Variants in LFNG observed in about 807,000 individuals in gnomAD.
The protein encoded by LFNG is LFNG O-fucosylpeptide 3-beta-N-acetylglucosaminyltransferase.
In LFNG, 15 loss-of-function variants were observed where a neutral mutation model predicts 32.7. The observed-to-expected ratio is 0.46, with a 90% CI of 0.31 to 0.71. The LOEUF (loss-of-function observed/expected upper bound fraction) is 0.71. LFNG is among the 30% of genes least tolerant of loss of function. The pLI, the probability that LFNG is intolerant of heterozygous loss-of-function variation, is 0.06. For missense variants in LFNG, 520 were observed against 545.7 expected, an observed-to-expected ratio of 0.95 and a Z score of 0.47; for synonymous variants, 274 against 246.8, an observed-to-expected ratio of 1.11 and a Z score of -1.03.
chr7:2,519,686 C>G (rs1235994868), upstream of LFNG, among the ~76,000 whole-genome samples: 5 of 149,092 alleles, frequency 3.4e-5, no homozygotes, highest in East Asian at 9.8e-4. Context: ...CGGCGCGAGG[C>G]CCCGCCCCCG....
chr7:2,519,841 C>T lies in LFNG; in HGVS notation c.-21C>T. 9.3e-7 allele frequency: 1 copy of T among 1,076,884 alleles called. No homozygotes were observed. Among genetic ancestry groups the T allele is most frequent in the Middle Eastern group, 4.2e-4 (1 of 2,390 alleles). 66.7% of individuals were successfully genotyped at this position (1,076,884 alleles called of 1,614,324 possible). ...AGGCAGGCGCACGGGGAAGGGCGCG[C>T]CGCGCGGCCGCCACCCCACCATGCT... On this transcript the variant is annotated 5_prime_UTR_variant, in exon 1 of 8. Transcript: ENST00000222725.
Position 2,519,866 on chromosome 7 carries a change from T to C in LFNG, c.5T>C (p.Leu2Pro). 1 of 1,101,442 alleles carries C rather than the reference T, an allele frequency of 9.1e-7. No individual in the cohort carries two copies. The highest frequency in any genetic ancestry group is 1.1e-6 in the Non-Finnish European group (1 of 902,806). 68.2% of individuals were successfully genotyped at this position (1,101,442 alleles called of 1,614,324 possible). Residue 2 changes from leucine to proline, a missense_variant, in exon 1 of 8, where the codon CTC becomes CCC. This residue lies in a region of LFNG where 360 missense variants were observed against 354.7 expected (regional missense o/e 1.01). Transcript: ENST00000222725. ...CCGCGCGGCCGCCACCCCACCATGC[T>C]CAAGCGCTGCGGCCGGCGCCTGCTG... Reference protein sequence around the residue: MLKRCGRRLLLA... With the variant: MPKRCGRRLLLA...
In LFNG at chr7:2,520,660, AC is replaced by A. The variant is rs1779764007; in HGVS notation, c.432+370del. Among the ~76,000 whole-genome samples, 1 of 152,136 alleles carries A rather than the reference AC, an allele frequency of 6.6e-6. No homozygotes were observed. The highest frequency in any genetic ancestry group is 1.5e-5 in the Non-Finnish European group (1 of 68,014). On this transcript the variant is annotated intron_variant, in intron 1 of 7. Transcript: ENST00000222725. The surrounding 1 kb of genome is among the most constrained non-coding windows in gnomAD (Gnocchi z 5.0). ...ACTTCCACAAGCAAATTCTGTTCGG[AC>A]CCACCCTCAGCTCAGACCCCTTCCT...
rs1187517401 is a variant in LFNG, at chr7:2,527,320, C to T, written c.*108C>T. 6.7e-7 allele frequency: 1 copy of T among 1,498,302 alleles called. No individual in the cohort carries two copies. The highest frequency in any genetic ancestry group is 8.9e-7 in the Non-Finnish European group (1 of 1,124,306). The allele number at this position is 1,498,302 out of a possible 1,614,324, so 92.8% of individuals were successfully genotyped here. A position where few individuals can be genotyped will look rare whatever the true frequency, so the allele number is the denominator to read the frequency against. On this transcript the variant is annotated 3_prime_UTR_variant, in exon 8 of 8. Transcript: ENST00000222725. This position sits in a 1 kb window ranked among gnomAD's most constrained non-coding sequence, Gnocchi z 4.4. ...ATTCGAGGCTCCCCTAGGGCCGTGCCTGTGCGTGTGCGTGTGCGTGTGTGT... is the reference window on the plus strand; with the variant it reads ...ATTCGAGGCTCCCCTAGGGCCGTGCTTGTGCGTGTGCGTGTGCGTGTGTGT...
chr7:2,525,642 G>C lies in LFNG; in HGVS notation c.736-43G>C, dbSNP rs866836361. The C allele has an allele frequency of 3.7e-6, 6 of 1,611,850 alleles. No individual in the cohort carries two copies. The African/African-American group carries it at 6.7e-5, about 18-fold the overall frequency. ...CGGAGTGGGGGTGGGACCGTGAGGG[G>C]CAGCAGCGCCTGGGTCTCAGGACAC... On this transcript the variant is annotated intron_variant, in intron 4 of 7. Transcript: ENST00000222725.
rs767087803 is a variant in LFNG at position 2,525,498 on chromosome 7, C to T, written c.666C>T (p.Asp222=). ...TGGCCAGCTACCCGCACACGCGGGA[C>T]GTCTACGTCGGCAAGCCCAGCCTGG... ...RLLASYPHTR[D]VYVGKPSLDR... Residue 222 remains aspartate (D), a synonymous_variant, in exon 4 of 8, where the codon GAC becomes GAT. Transcript: ENST00000222725. 1.6e-5 allele frequency: 26 copies of T among 1,612,348 alleles called. No homozygotes were observed. The highest frequency in any genetic ancestry group is 1.6e-4 in the East Asian group (7 of 44,880).
intron 1 of LFNG, 165 bp from the exon 2 acceptor site, chr7:2,524,530 A>G: frequency 1.4e-6 from 1 of 701,986 alleles, no homozygotes; most frequent in Non-Finnish European, 2.6e-6. Context: ...GGGGCACTTG[A>G]GCCCTTCTCA....
In LFNG at chr7:2,527,904, C is replaced by G; in HGVS notation, c.*692C>G. ...CCTCAGAGGTCTTCCCTTTGCCTCC[C>G]CAGGACAGGGTGAGTCAGAGCTCAG... is the stretch of plus-strand genomic sequence containing the variant. On this transcript the variant is annotated 3_prime_UTR_variant, in exon 8 of 8. Transcript: ENST00000222725. This position sits in a 1 kb window ranked among gnomAD's most constrained non-coding sequence, Gnocchi z 4.4. 1 of 989,106 alleles carries G rather than the reference C, an allele frequency of 1.0e-6. No homozygotes were observed. Among genetic ancestry groups the G allele is most frequent in the Non-Finnish European group, 1.2e-6 (1 of 831,966 alleles). The allele number at this position is 989,106 out of a possible 1,614,324, so 61.3% of individuals were successfully genotyped here.
chr7:2,528,456 GGTGGGGCCTAA>G, downstream of LFNG: 1 of 993,758 alleles, frequency 1.0e-6, no homozygotes. Flanking sequence ...CTTGGCTGGA[GGTGGGGCCTAA>G]GCCCCAGGGC....
At chr7:2,516,855 T>C (rs1327577500), upstream of LFNG, among the ~76,000 whole-genome samples, 1 of 152,214 alleles carries the variant, frequency 6.6e-6, no homozygotes, top group African/African-American at 2.4e-5. Context: ...GTGAGGAAAC[T>C]GAGGCTCAGG....
downstream of LFNG, chr7:2,528,809 C>A: frequency 1.6e-6 from 1 of 638,904 alleles, no homozygotes; most frequent in Admixed American, 2.7e-5. Context: ...GGGCCTGGGG[C>A]CTCCTTATCC....
upstream of LFNG, among the ~76,000 whole-genome samples, chr7:2,519,665 G>T (rs1366863952): frequency 6.7e-6 from 1 of 149,552 alleles, no homozygotes; most frequent in Non-Finnish European, 1.5e-5. Flanking sequence ...CTGCGGGCGT[G>T]GAGCGGCGAC....
intron 1 of LFNG, 37 bp from the exon 2 acceptor site, chr7:2,524,658 A>G (rs1229631059): frequency 6.4e-7 from 1 of 1,562,068 alleles, no homozygotes; most frequent in Non-Finnish European, 8.7e-7. Context: ...GGTGGGGATG[A>G]AGGGCTGCCT....
chr7:2,513,512 C>T (rs1779540464), upstream of LFNG, among the ~76,000 whole-genome samples: 1 of 152,182 alleles, frequency 6.6e-6, no homozygotes, highest in Non-Finnish European at 1.5e-5. Context: ...AAGCAGGGCT[C>T]CCCTGGGGCC....
chr7:2,514,311 C>G (rs560516530), upstream of LFNG, among the ~76,000 whole-genome samples: 1 of 152,348 alleles, frequency 6.6e-6, no homozygotes, highest in South Asian at 2.1e-4. Flanking sequence ...ATCCTTCCAT[C>G]CAACCTCTAC....
chr7:2,514,517 T>G (rs1268640724), upstream of LFNG, among the ~76,000 whole-genome samples: 1 of 151,470 alleles, frequency 6.6e-6, no homozygotes, highest in African/African-American at 2.4e-5. Context: ...CATTCACCTG[T>G]CCATCCATCC....
At position 2,520,331 on chromosome 7, in the gene LFNG, G is replaced by A. The variant is rs1446599582; in HGVS notation, c.432+38G>A. On this transcript the variant is annotated intron_variant, in intron 1 of 7. Transcript: ENST00000222725. The surrounding 1 kb of genome is among the most constrained non-coding windows in gnomAD (Gnocchi z 5.0). ...CGGCCTGGACTGGCGGGCGAGCGGG[G>A]CGGGGACCCACCATCTGGTCCAGCT... 3.2e-6 allele frequency: 5 copies of A among 1,581,454 alleles called. No individual in the cohort carries two copies. The highest frequency in any genetic ancestry group is 4.3e-6 in the Non-Finnish European group (5 of 1,157,286).
chr7:2,527,662 A>G lies in LFNG; in HGVS notation c.*450A>G, dbSNP rs1780034149. The G allele has an allele frequency of 8.9e-7, 1 of 1,125,530 alleles. No homozygotes were observed. The highest frequency in any genetic ancestry group is 1.1e-6 in the Non-Finnish European group (1 of 910,038). The allele number at this position is 1,125,530 out of a possible 1,614,324, so 69.7% of individuals were successfully genotyped here. On this transcript the variant is annotated 3_prime_UTR_variant, in exon 8 of 8. Transcript: ENST00000222725. This position sits in a 1 kb window ranked among gnomAD's most constrained non-coding sequence, Gnocchi z 4.4. ...GTCCTGGCCCCTGTGTCATAGCCCC[A>G]AGTACGACTCACTGAGCCATGCTCA... is the stretch of plus-strand genomic sequence containing the variant.
chr7:2,516,975 C>T (rs779569536), upstream of LFNG, among the ~76,000 whole-genome samples: 1 of 152,120 alleles, frequency 6.6e-6, no homozygotes, highest in Non-Finnish European at 1.5e-5. Flanking sequence ...TTCCCCAGGA[C>T]CCTACGGCCC....
Sources: gnomAD v4.1 joint callset for allele counts (sites outside exome capture counted in the v4.1 genomes callset) on GRCh38, gnomAD v4.1.1 for gene constraint, gnomAD v4.1.1 regional missense constraint, Gnocchi (gnomAD v3.1) non-coding constraint, MANE v1.5 for transcripts, NCBI Gene and HGNC (gene_info 2026-07-23, HGNC 2026-07-21) for gene names.